GSE1: variants seen among roughly 807,000 people sequenced by gnomAD.
The protein encoded by GSE1 is Gse1 coiled-coil protein, also known as genetic suppressor element 1.
GSE1 carries 32 observed loss-of-function variants against 112.6 expected under a neutral mutation model. That is an observed-to-expected ratio of 0.28 (90% CI 0.21 to 0.38). The LOEUF is 0.38. GSE1 is among the 10% of genes least tolerant of loss of function. GSE1 has a pLI of 1.00. For synonymous variants in GSE1, 1,115 were observed against 735.6 expected (o/e 1.52, Z -8.35); for missense variants, 2,348 against 1,699.2 (o/e 1.38, Z -6.71).
chr16:85,233,831 C>T (rs918231888), intron 1 of GSE1, among the ~76,000 whole-genome samples: 2 of 152,172 alleles, frequency 1.3e-5, no homozygotes, highest in African/African-American at 4.8e-5. Flanking sequence ...CCTGCTCAGC[C>T]CAAGTGGCCT....
chr16:85,596,882 A>G (rs147320599), intron 1 of GSE1, among the ~76,000 whole-genome samples: 2,447 of 152,282 alleles, frequency 0.016, 69 homozygotes, highest in African/African-American at 0.056. Context: ...CTAAAAATAC[A>G]AAAATTATCT....
At chr16:85,572,394 C>A (rs1230711084) in intron 1 of GSE1, among the ~76,000 whole-genome samples, 6 of 147,796 alleles carry the variant, frequency 4.1e-5, no homozygotes, top group Non-Finnish European at 6.0e-5. Context: ...CCCCCACACA[C>A]AAACACACCA....
chr16:85,358,456 G>A (rs1166229464), intron 2 of GSE1, among the ~76,000 whole-genome samples: 1 of 152,176 alleles, frequency 6.6e-6, no homozygotes, highest in African/African-American at 2.4e-5. Context: ...CCACAGCACG[G>A]GAGACTTGAG....
chr16:85,246,241 ACAC>A (rs1256669047), intron 1 of GSE1, among the ~76,000 whole-genome samples: 5 of 120,102 alleles, frequency 4.2e-5, no homozygotes, highest in Non-Finnish European at 3.5e-5. Flanking sequence ...ACACACACGC[ACAC>A]CACACGCTGT....
intron 1 of GSE1, among the ~76,000 whole-genome samples, chr16:85,346,508 TGATG>T (rs1264350550): frequency 4.6e-5 from 6 of 130,816 alleles, no homozygotes; most frequent in African/African-American, 1.8e-4. Flanking sequence ...GATAGATGGG[TGATG>T]GATGGATGGT....
At chr16:85,219,674 C>G (rs886882827) in intron 1 of GSE1, among the ~76,000 whole-genome samples, 2 of 152,228 alleles carry the variant, frequency 1.3e-5, no homozygotes, top group African/African-American at 4.8e-5. Flanking sequence ...CCTCTGCCTC[C>G]GTGCACCTGA....
At chr16:85,353,233 A>G (rs1337945061) in intron 1 of GSE1, among the ~76,000 whole-genome samples, 1 of 152,088 alleles carries the variant, frequency 6.6e-6, no homozygotes, top group Non-Finnish European at 1.5e-5. Context: ...CCGGGGAAGA[A>G]CCCACCTCCA....
At chr16:85,479,813 A>G (rs2050616147) in intron 2 of GSE1, among the ~76,000 whole-genome samples, 1 of 152,134 alleles carries the variant, frequency 6.6e-6, no homozygotes, top group African/African-American at 2.4e-5. Flanking sequence ...ACAGAAGCCC[A>G]AGCAGCTCTG....
In GSE1 at chr16:85,660,590, G is replaced by A. The variant is rs1349090542; in HGVS notation, c.1641-556G>A. On this transcript the variant is annotated intron_variant, in intron 8 of 15. Coordinates refer to ENST00000253458, the MANE Select transcript of GSE1 (RefSeq NM_014615.5). The stretch of plus-strand genomic sequence containing the variant: ...GTAGGCGGAGGTTGCAGTGAGCTGA[G>A]CTTGCCCCACTGCACTCCTGCCTGG... Among the ~76,000 whole-genome samples, 3 of 152,102 alleles carry A rather than the reference G, an allele frequency of 2.0e-5. No individual in the cohort carries two copies. In the East Asian group the frequency reaches 5.8e-4, roughly 30 times the overall value.
At chr16:85,598,636 C>T (rs2047336697) in intron 1 of GSE1, among the ~76,000 whole-genome samples, 1 of 150,560 alleles carries the variant, frequency 6.6e-6, no homozygotes, top group Admixed American at 6.6e-5. Context: ...GGGAAGACGC[C>T]TTCTGGGCAG....
intron 1 of GSE1, among the ~76,000 whole-genome samples, chr16:85,191,991 T>A (rs930042927): frequency 9.9e-5 from 15 of 152,178 alleles, no homozygotes; most frequent in African/African-American, 3.6e-4. Context: ...TTTGAATCTT[T>A]CCGAAGTCTA....
At chr16:85,383,973 C>T (rs943048410) in intron 2 of GSE1, among the ~76,000 whole-genome samples, 1 of 152,170 alleles carries the variant, frequency 6.6e-6, no homozygotes, top group Non-Finnish European at 1.5e-5. Context: ...TTGGCCGCCA[C>T]CCCTGACTGC....
chr16:85,173,599 T>C (rs1279146754), intron 1 of GSE1, among the ~76,000 whole-genome samples: 1 of 152,202 alleles, frequency 6.6e-6, no homozygotes, highest in Non-Finnish European at 1.5e-5. Flanking sequence ...CAGTGGTGTT[T>C]CAAGGGGCAG....
At chr16:85,179,555 C>T (rs1029787454) in intron 1 of GSE1, among the ~76,000 whole-genome samples, 1 of 152,150 alleles carries the variant, frequency 6.6e-6, no homozygotes, top group African/African-American at 2.4e-5. Flanking sequence ...AGATTTAACC[C>T]TCTGAGGACT....
At chr16:85,671,138 TTTTGAGTTTGGGTTCAGAAACACCCA>T (rs1410037123) in intron 15 of GSE1, 40 bp downstream of exon 15, 1 of 1,185,350 alleles carries the variant, frequency 8.4e-7, no homozygotes, top group Non-Finnish European at 1.3e-6. Context: ...ACACGCAACC[TTTTGAGTTTGGGTTCAGAAACACCCA>T]TGCAGATAAG....
chr16:85,669,462 C>T (rs2152009446), intron 14 of GSE1, among the ~76,000 whole-genome samples: 1 of 152,280 alleles, frequency 6.6e-6, no homozygotes, highest in East Asian at 1.9e-4. Flanking sequence ...AAACAAACGC[C>T]CATGTAGCCA....
chr16:85,258,666 C>T lies in GSE1; in HGVS notation c.2283+86859C>T, dbSNP rs923293380. Among the ~76,000 whole-genome samples, 4 of 152,108 alleles carry T rather than the reference C, an allele frequency of 2.6e-5. No homozygotes were observed. In the East Asian group the frequency reaches 7.7e-4, roughly 29 times the overall value. On this transcript the variant is annotated intron_variant, in intron 1 of 2. Coordinates refer to the GSE1 transcript ENST00000637419. ...AGGAGGAGGGAGAGGGTTGTCAAAG[C>T]GGTCGGGCCTGGAGGGGTTCCCAGA...
chr16:85,631,766 A>G (rs2049557125), intron 1 of GSE1, among the ~76,000 whole-genome samples: 2 of 152,388 alleles, frequency 1.3e-5, no homozygotes, highest in South Asian at 4.1e-4. Context: ...TGGTAGATGA[A>G]GAAACGGAGG....
intron 1 of GSE1, among the ~76,000 whole-genome samples, chr16:85,335,217 G>A (rs1165070653): frequency 1.3e-5 from 2 of 152,232 alleles, no homozygotes; most frequent in Non-Finnish European, 2.9e-5. Flanking sequence ...CACCCATCCC[G>A]GGAGGCCCCA....
Sources: gnomAD v4.1 joint callset for allele counts (sites outside exome capture counted in the v4.1 genomes callset) on GRCh38, gnomAD v4.1.1 for gene constraint, MANE v1.5 for transcripts, NCBI Gene and HGNC (gene_info 2026-07-23, HGNC 2026-07-21) for gene names.